KAT6A: variants seen among roughly 807,000 people sequenced by gnomAD.
The protein encoded by KAT6A is lysine acetyltransferase 6A, also known as histone acetyltransferase KAT6A.
A neutral mutation model predicts 198.4 loss-of-function variants in KAT6A; 9 were observed. The ratio of observed to expected loss-of-function variants is 0.05; its 90% confidence interval spans 0.03 to 0.08. The LOEUF (loss-of-function observed/expected upper bound fraction) is 0.08. Among genes scored for constraint, KAT6A ranks in the 10% least tolerant of loss-of-function variants. The pLI is 1.00. For synonymous variants in KAT6A, 890 were observed against 883.0 expected (o/e 1.01, Z -0.14); for missense variants, 2,077 against 2,509.9 (o/e 0.83, Z 3.69).
intron 9 of KAT6A, among the ~76,000 whole-genome samples, chr8:41,953,749 C>T (rs540706887): frequency 1.3e-5 from 2 of 152,306 alleles, no homozygotes; most frequent in Admixed American, 1.3e-4. Flanking sequence ...GCTGGGATTA[C>T]AGGCGTGTCC....
intron 2 of KAT6A, among the ~76,000 whole-genome samples, chr8:41,990,227 T>C (rs1334203487): frequency 6.6e-6 from 1 of 152,182 alleles, no homozygotes; most frequent in Non-Finnish European, 1.5e-5. Flanking sequence ...TAAAAACTGA[T>C]TGCAAGGGAT....
intron 8 of KAT6A, among the ~76,000 whole-genome samples, chr8:41,967,045 CA>C (rs1194987341): frequency 1.3e-5 from 2 of 152,048 alleles, no homozygotes; most frequent in East Asian, 3.8e-4. Flanking sequence ...ACTCTTCACG[CA>C]AAGAAATTTT....
intron 2 of KAT6A, among the ~76,000 whole-genome samples, chr8:41,993,905 A>G (rs939937626): frequency 1.3e-5 from 2 of 152,234 alleles, no homozygotes; most frequent in African/African-American, 4.8e-5. Flanking sequence ...GGCTAAAACT[A>G]TATTGGGTTC....
chr8:42,048,726 C>T lies in KAT6A; in HGVS notation c.252G>A (p.Lys84=), dbSNP rs755651619. Residue 84 remains lysine (K), a synonymous_variant, in exon 2 of 17, where the codon AAG becomes AAA. Transcript: ENST00000265713. ...TATCCAATTTTCCATGGTTCCGAGG[C>T]TTAGGAAGTGCTATTCGCCCAGGAT... is the stretch of plus-strand genomic sequence containing the variant. ...PDNPGRIALP[K]PRNHGKLDNK... is the part of the protein sequence containing the mutation. 1 of 1,614,084 alleles carries T rather than the reference C, an allele frequency of 6.2e-7. No homozygotes were observed. Among genetic ancestry groups the T allele is most frequent in the African/African-American group, 1.3e-5 (1 of 74,918 alleles).
chr8:41,976,278 C>T (rs1248466148), intron 7 of KAT6A, among the ~76,000 whole-genome samples: 2 of 152,170 alleles, frequency 1.3e-5, no homozygotes, highest in African/African-American at 4.8e-5. Context: ...TTCTTCAAGC[C>T]CTTTCTACTT....
intron 8 of KAT6A, among the ~76,000 whole-genome samples, chr8:41,961,645 C>T (rs1278691991): frequency 2.7e-5 from 4 of 148,312 alleles, no homozygotes; most frequent in Admixed American, 6.8e-5. Flanking sequence ...ACCAGCTACT[C>T]GGGAGGCTGA....
chr8:41,933,890 G>C lies in KAT6A; in HGVS notation c.4330C>G (p.Gln1444Glu). The change falls in exon 17 of 17, where the codon CAG becomes GAG. Residue 1444 changes from glutamine (Q) to glutamate (E), a missense_variant. By Grantham distance (29) the Gln-to-Glu change is conservative. Transcript: ENST00000265713. The surrounding 1 kb of genome is among the most constrained non-coding windows in gnomAD (Gnocchi z 6.2). The part of the protein sequence containing the change: ...EESSEHEGAY[Q>E]DCEETLAACQ... ...GCCGCAAGAGTTTCCTCACAGTCCT[G>C]GTAGGCGCCCTCATGCTCACTGCTT... The C allele has an allele frequency of 1.2e-6, 2 of 1,614,166 alleles. No individual in the cohort carries two copies. Among genetic ancestry groups the C allele is most frequent in the Non-Finnish European group, 1.7e-6 (2 of 1,180,036 alleles).
In KAT6A at chr8:41,941,192, C is replaced by G. The variant is rs1367238054; in HGVS notation, c.2689G>C (p.Glu897Gln). 3.1e-6 allele frequency: 5 copies of G among 1,613,978 alleles called. No individual in the cohort carries two copies. The highest frequency in any genetic ancestry group is 4.5e-5 in the East Asian group (2 of 44,884). Reference protein sequence around the residue: ...LLEETSSAPQEQYGECGEKSE... With the variant: ...LLEETSSAPQQQYGECGEKSE... ...TTCTCCCCACATTCTCCATATTGTT[C>G]CTGAGGAGCTGAAGACGTCTCTTCC... The change falls in exon 15 of 17, where the codon GAA becomes CAA. Residue 897 changes from glutamate to glutamine, a missense_variant. Physicochemically the swap from Glu to Gln is conservative, Grantham distance 29 (BLOSUM62 2). Coordinates refer to ENST00000265713, the MANE Select transcript of KAT6A (RefSeq NM_006766.5).
intron 6 of KAT6A, 131 bp from the exon 7 acceptor site, chr8:41,977,458 A>G: frequency 1.7e-6 from 1 of 594,728 alleles, no homozygotes; most frequent in Non-Finnish European, 2.9e-6. Flanking sequence ...AATATTCTGC[A>G]AACTATAAAT....
At chr8:42,029,421 A>G (rs1434618999) in intron 2 of KAT6A, among the ~76,000 whole-genome samples, 1 of 152,066 alleles carries the variant, frequency 6.6e-6, no homozygotes, top group Non-Finnish European at 1.5e-5. Flanking sequence ...ATTTGGTCAC[A>G]TTATGGTGTC....
In KAT6A at chr8:41,983,741, T is replaced by G. The variant is rs1248002369; in HGVS notation, c.710-1787A>C. 3.9e-5 allele frequency among the ~76,000 whole-genome samples: 6 copies of G among 152,372 alleles called. No homozygotes were observed. The East Asian group carries it at 1.2e-3, about 29-fold the overall frequency. On this transcript the variant is annotated intron_variant, in intron 3 of 16. Coordinates refer to ENST00000265713, the MANE Select transcript of KAT6A (RefSeq NM_006766.5). ...CCAAAAACTATGATATAATATGCAG[T>G]GCCACCAGCAAAAGAACAAGTGTTT...
In KAT6A at chr8:41,942,917, G is replaced by T; in HGVS notation, c.2312C>A (p.Pro771Gln). 6.2e-7 allele frequency: 1 copy of T among 1,614,010 alleles called. No homozygotes were observed. Among genetic ancestry groups the T allele is most frequent in the Non-Finnish European group, 8.5e-7 (1 of 1,180,010 alleles). The change falls in exon 14 of 17, where the codon CCA (proline) becomes CAA (glutamine). Residue 771 changes from proline to glutamine, a missense_variant. Coordinates refer to ENST00000265713, the MANE Select transcript of KAT6A (RefSeq NM_006766.5). ...GACTGGAGTCCAGCGCAAACATTCT[G>T]GATCTACATCTACAGGTCGCAAATT... ...QLNLRPVDVD[P>Q]ECLRWTPVIV...
chr8:41,967,274 A>AAATTT (rs544924028), intron 8 of KAT6A, among the ~76,000 whole-genome samples: 23 of 142,846 alleles, frequency 1.6e-4, no homozygotes, highest in South Asian at 1.5e-3. Flanking sequence ...TAAAAAAAAA[A>AAATTT]ATTTATTTAT....
intron 2 of KAT6A, among the ~76,000 whole-genome samples, chr8:42,009,915 CA>C (rs1216387598): frequency 4.5e-5 from 5 of 110,288 alleles, no homozygotes; most frequent in African/African-American, 1.1e-4. Flanking sequence ...AAAAAAAAAA[CA>C]AAAAAAAACA....
At chr8:41,959,742 A>G (rs1405056461) in intron 8 of KAT6A, among the ~76,000 whole-genome samples, 1 of 152,214 alleles carries the variant, frequency 6.6e-6, no homozygotes, top group Non-Finnish European at 1.5e-5. Context: ...GCAGATCATG[A>G]GGTCAAGAGA....
intron 2 of KAT6A, among the ~76,000 whole-genome samples, chr8:42,023,767 G>A (rs1052436549): frequency 1.3e-5 from 2 of 150,646 alleles, no homozygotes; most frequent in African/African-American, 2.4e-5. Context: ...GACTACAGGT[G>A]TGAGCCACCA....
At chr8:42,015,472 C>CAATA (rs1263131762) in intron 2 of KAT6A, among the ~76,000 whole-genome samples, 1 of 152,148 alleles carries the variant, frequency 6.6e-6, no homozygotes, top group African/African-American at 2.4e-5. Context: ...TGCCTGTGGG[C>CAATA]AATACAAAGA....
At chr8:42,046,411 C>G (rs1297601023) in intron 2 of KAT6A, among the ~76,000 whole-genome samples, 4 of 152,110 alleles carry the variant, frequency 2.6e-5, no homozygotes, top group African/African-American at 4.8e-5. Flanking sequence ...TGGTGCATGT[C>G]TGTAATCCCA....
chr8:41,935,458 T>C (rs1821799869), intron 16 of KAT6A, among the ~76,000 whole-genome samples: 1 of 152,222 alleles, frequency 6.6e-6, no homozygotes. Flanking sequence ...AAAGCATTTA[T>C]TTAGTCCTAG....
Sources: gnomAD v4.1 joint callset for allele counts (sites outside exome capture counted in the v4.1 genomes callset) on GRCh38, gnomAD v4.1.1 for gene constraint, Gnocchi (gnomAD v3.1) non-coding constraint, MANE v1.5 for transcripts, NCBI Gene and HGNC (gene_info 2026-07-23, HGNC 2026-07-21) for gene names.